IRAG1: variants seen among roughly 807,000 people sequenced by gnomAD.
IRAG1 encodes the protein IP3R-associated cGMP kinase substrate.
IRAG1 carries 62 observed loss-of-function variants against 106.2 expected under a neutral mutation model. The ratio of observed to expected loss-of-function variants is 0.58; its 90% CI spans 0.48 to 0.72. The LOEUF (loss-of-function observed/expected upper bound fraction) is 0.72, where lower values mean the gene tolerates loss of function less well. Ranked by LOEUF, IRAG1 falls within the 30% of genes least tolerant of loss-of-function variation. IRAG1 has a pLI of 0.00. For missense variants in IRAG1, 1,064 were observed against 1,140.7 expected, an observed-to-expected ratio of 0.93 and a Z score of 0.97; for synonymous variants, 462 against 443.9, an observed-to-expected ratio of 1.04 and a Z score of -0.51.
chr11:10,672,225 A>G (rs976437833), intron 1 of IRAG1, among the ~76,000 whole-genome samples: 1 of 152,244 alleles, frequency 6.6e-6, no homozygotes, highest in Non-Finnish European at 1.5e-5. Flanking sequence ...GAGAGCTATA[A>G]CTATAGAATT....
chr11:10,598,841 A>T (rs921984315), intron 15 of IRAG1, among the ~76,000 whole-genome samples: 5 of 152,380 alleles, frequency 3.3e-5, no homozygotes, highest in South Asian at 2.1e-4. Flanking sequence ...TGTTATTTTT[A>T]AAAAATGTAT....
At chr11:10,597,659 C>G (rs1273030458) in intron 15 of IRAG1, among the ~76,000 whole-genome samples, 21 of 152,150 alleles carry the variant, frequency 1.4e-4, no homozygotes, top group Admixed American at 1.4e-3. Flanking sequence ...ACCCAGCTAC[C>G]TGTAACAATT....
At chr11:10,621,006 C>T (rs1444278023) in intron 10 of IRAG1, among the ~76,000 whole-genome samples, 1 of 152,110 alleles carries the variant, frequency 6.6e-6, no homozygotes, top group Non-Finnish European at 1.5e-5. Flanking sequence ...ATCTATTCAT[C>T]AAATCAACTG....
At chr11:10,687,363 T>C (rs1861735216) in intron 1 of IRAG1, 1 of 165,444 alleles carries the variant, frequency 6.0e-6, no homozygotes, top group Non-Finnish European at 1.3e-5. Flanking sequence ...CTTCTGTTTC[T>C]CTAGGGAATT....
chr11:10,617,395 A>T (rs999199626), intron 10 of IRAG1, among the ~76,000 whole-genome samples: 1 of 152,202 alleles, frequency 6.6e-6, no homozygotes, highest in Non-Finnish European at 1.5e-5. Context: ...TTTGAAATTA[A>T]AAGTATTAGA....
Position 10,591,694 on chromosome 11 carries a change from G to A in IRAG1, c.2176-82C>T, listed in dbSNP as rs968869695. The A allele has an allele frequency of 2.0e-5, 25 of 1,259,194 alleles. No individual in the cohort carries two copies. In the African/African-American group the frequency reaches 3.3e-4, roughly 16 times the overall value. 78.0% of individuals were successfully genotyped at this position (1,259,194 alleles called of 1,614,324 possible). A position where few individuals can be genotyped will look rare whatever the true frequency, so the allele number is the denominator to read the frequency against. On this transcript the variant is annotated intron_variant, in intron 17 of 20. Transcript: ENST00000423302. The stretch of plus-strand genomic sequence containing the variant: ...GAGCTGCTGGATTTCTGATGATGCT[G>A]GGAGCGGGGCTGCTGCTTCTCCTCT...
At chr11:10,686,043 C>T (rs1217189806) in intron 1 of IRAG1, among the ~76,000 whole-genome samples, 1 of 152,170 alleles carries the variant, frequency 6.6e-6, no homozygotes, top group Non-Finnish European at 1.5e-5. Flanking sequence ...TTCTTTCTAC[C>T]ATACCCATAC....
At chr11:10,692,177 C>T (rs1215203532) in intron 1 of IRAG1, among the ~76,000 whole-genome samples, 5 of 145,698 alleles carry the variant, frequency 3.4e-5, no homozygotes, top group Non-Finnish European at 7.5e-5. Flanking sequence ...TATAAACAGC[C>T]ACCCACCAAA....
chr11:10,645,904 C>G (rs2134818361), intron 2 of IRAG1, among the ~76,000 whole-genome samples: 1 of 152,232 alleles, frequency 6.6e-6, no homozygotes. Context: ...ATAAAACAAG[C>G]CTAATATGGT....
At chr11:10,685,285 A>G (rs369809227) in intron 1 of IRAG1, among the ~76,000 whole-genome samples, 16 of 152,148 alleles carry the variant, frequency 1.1e-4, no homozygotes, top group African/African-American at 3.9e-4. Context: ...TGTCTCTACT[A>G]AAAATGCAAA....
Position 10,626,472 on chromosome 11 carries a change from C to T in IRAG1, c.862G>A (p.Glu288Lys), listed in dbSNP as rs778570247. The change falls in exon 9 of 21, where the codon GAA becomes AAA. Residue 288 changes from glutamate to lysine, a missense_variant. Transcript: ENST00000423302. ...PVEKSKEIAI[E>K]QKENFDPLQY... ...AGGGGATCGAAGTTTTCCTTTTGTT[C>T]TATTGCAATCTCTTTGGACTTCTCA... The T allele has an allele frequency of 6.2e-7, 1 of 1,613,752 alleles. No homozygotes were observed. Among genetic ancestry groups the T allele is most frequent in the Non-Finnish European group, 8.5e-7 (1 of 1,179,788 alleles).
At chr11:10,577,001 G>A (rs188886920) in intron 20 of IRAG1, among the ~76,000 whole-genome samples, 5 of 152,348 alleles carry the variant, frequency 3.3e-5, no homozygotes, top group African/African-American at 1.2e-4. Context: ...TTAATGATCA[G>A]TTCCAAGCTC....
chr11:10,625,477 C>A (rs1856170273), intron 9 of IRAG1, among the ~76,000 whole-genome samples: 1 of 152,166 alleles, frequency 6.6e-6, no homozygotes, highest in South Asian at 2.1e-4. Flanking sequence ...GGCGGAGCAG[C>A]CTTCACACTT....
intron 18 of IRAG1, among the ~76,000 whole-genome samples, chr11:10,590,132 G>A (rs990755866): frequency 1.1e-4 from 17 of 152,176 alleles, no homozygotes; most frequent in African/African-American, 3.9e-4. Flanking sequence ...GTCAGAGCAT[G>A]AGGTGACCAT....
Position 10,609,838 on chromosome 11 carries a change from T to C in IRAG1, c.1461A>G (p.Glu487=). 6.2e-7 allele frequency: 1 copy of C among 1,613,696 alleles called. No homozygotes were observed. The highest frequency in any genetic ancestry group is 1.1e-5 in the South Asian group (1 of 91,062). Residue 487 remains glutamate, a synonymous_variant, in exon 11 of 21, where the codon GAA becomes GAG. Transcript: ENST00000423302. ...CTTCTTCCTCAATAGCTGGGGAGAG[T>C]TCAGAAGGAAGCCCTGAAAAAAAAG... is the stretch of plus-strand genomic sequence containing the variant. The part of the protein sequence containing the change: ...AAEQEKGLPS[E]LSPAIEEEES...
intron 20 of IRAG1, among the ~76,000 whole-genome samples, chr11:10,579,584 A>T (rs1851182582): frequency 1.4e-5 from 2 of 147,790 alleles, no homozygotes; most frequent in South Asian, 4.3e-4. Context: ...AAAATCCAGA[A>T]TGTTGGCATG....
intron 1 of IRAG1, among the ~76,000 whole-genome samples, chr11:10,675,844 G>A (rs1014609862): frequency 1.3e-5 from 2 of 152,076 alleles, no homozygotes; most frequent in South Asian, 2.1e-4. Context: ...GGCCACCTTT[G>A]CCCAGGTTAC....
At chr11:10,641,597 T>C (rs182000967) in intron 2 of IRAG1, among the ~76,000 whole-genome samples, 8 of 152,304 alleles carry the variant, frequency 5.3e-5, no homozygotes, top group Non-Finnish European at 1.2e-4. Flanking sequence ...TCAGGCCCAC[T>C]GTGTGGTGGG....
At chr11:10,614,438 A>G (rs938805334) in intron 10 of IRAG1, among the ~76,000 whole-genome samples, 7 of 152,252 alleles carry the variant, frequency 4.6e-5, no homozygotes, top group African/African-American at 9.6e-5. Context: ...ATTGGAAAAA[A>G]TACTTTAAAG....
Sources: allele counts gnomAD v4.1 joint callset (sites outside exome capture counted in the v4.1 genomes callset), GRCh38; gene constraint gnomAD v4.1.1; transcripts MANE v1.5; gene names NCBI Gene and HGNC (gene_info 2026-07-23, HGNC 2026-07-21).